Variants in GRID2IP observed in about 807,000 individuals in gnomAD.
GRID2IP encodes the protein delphilin.
GRID2IP carries 78 observed loss-of-function variants against 114.3 expected under a neutral mutation model. The ratio of observed to expected loss-of-function variants is 0.68; its 90% CI spans 0.57 to 0.82. GRID2IP has a LOEUF of 0.82. Among genes scored for constraint, GRID2IP ranks in the 40% least tolerant of loss-of-function variants. GRID2IP has a pLI of 0.00. For synonymous variants in GRID2IP, 809 were observed against 724.0 expected (o/e 1.12, Z -1.89); for missense variants, 1,727 against 1,678.5 (o/e 1.03, Z -0.51).
Position 6,509,923 on chromosome 7 carries a change from G to C in GRID2IP, c.1771+360C>G, listed in dbSNP as rs1345523375. 2.0e-5 allele frequency among the ~76,000 whole-genome samples: 3 copies of C among 152,136 alleles called. No homozygotes were observed. Among genetic ancestry groups the C allele is most frequent in the Non-Finnish European group, 1.5e-5 (1 of 68,016 alleles). ...AGCTCACTGCAGCCTTGAACTCCTG[G>C]GCTCAAGTGATCCTCCCGCCTCAGC... On this transcript the variant is annotated intron_variant, in intron 11 of 21. Coordinates refer to ENST00000457091, the MANE Select transcript of GRID2IP (RefSeq NM_001145118.2). The surrounding 1 kb of genome is among the most constrained non-coding windows in gnomAD (Gnocchi z 4.9).
At chr7:6,539,669 C>T in intron 2 of GRID2IP, 49 bp downstream of exon 2, 1 of 1,492,808 alleles carries the variant, frequency 6.7e-7, no homozygotes, top group African/African-American at 1.4e-5. Flanking sequence ...AATGATGGCT[C>T]TAAGTGAGAC....
At position 6,514,440 on chromosome 7, in the gene GRID2IP, G is replaced by T; in HGVS notation, c.1358C>A (p.Thr453Asn). 6.5e-7 allele frequency: 1 copy of T among 1,550,042 alleles called. No individual in the cohort carries two copies. The highest frequency in any genetic ancestry group is 8.7e-7 in the Non-Finnish European group (1 of 1,146,216). ...VLWQFIYQLL[T>N]YEEQELCQEK... ...CTGACAGAGCTCCTGCTCCTCATAG[G>T]TCAGCAGCTGGTAGATGAACTGCCA... The change falls in exon 8 of 22, where the codon ACC (threonine) becomes AAC (asparagine). Residue 453 changes from threonine (T) to asparagine (N), a missense_variant. Physicochemically the swap from Thr to Asn is moderately conservative, Grantham distance 65. Coordinates refer to ENST00000457091, the MANE Select transcript of GRID2IP (RefSeq NM_001145118.2).
Position 6,498,186 on chromosome 7 carries a change from C to A in GRID2IP, c.3442G>T (p.Gly1148Trp). ...TCCTCCATGGCCTCGCGCTGCAGCC[C>A]GTCGAGCGCCCGAAGTGCTGGCTGG... ...TAQPALRALD[G>W]LQREAMEELG... Residue 1148 changes from glycine (G) to tryptophan (W), a missense_variant, in exon 21 of 22, where the codon GGG becomes TGG. Transcript: ENST00000457091. 6.5e-7 allele frequency: 1 copy of A among 1,550,368 alleles called. No homozygotes were observed.
At position 6,516,467 on chromosome 7, in the gene GRID2IP, A is replaced by T. The variant is rs1779301696; in HGVS notation, c.1269-1938T>A. On this transcript the variant is annotated intron_variant, in intron 7 of 21. Transcript: ENST00000457091. This position sits in a 1 kb window ranked among gnomAD's most constrained non-coding sequence, Gnocchi z 4.3. The stretch of plus-strand genomic sequence containing the variant: ...ACACGGTGAGAAGTGACCAAAAGAC[A>T]AGAGTGTGAGCCCTCCGTTATGCCT... 6.6e-6 allele frequency among the ~76,000 whole-genome samples: 1 copy of T among 152,086 alleles called. No individual in the cohort carries two copies. Among genetic ancestry groups the T allele is most frequent in the Non-Finnish European group, 1.5e-5 (1 of 68,012 alleles).
chr7:6,505,944 C>A (rs1432266254), intron 13 of GRID2IP, 37 bp from the exon 14 acceptor site: 2 of 1,424,124 alleles, frequency 1.4e-6, no homozygotes, highest in South Asian at 2.5e-5. Flanking sequence ...GTAGGAGGAG[C>A]AGCAGCAGCT....
At chr7:6,505,945 A>T in intron 13 of GRID2IP, 38 bp from the exon 14 acceptor site, 1 of 1,423,166 alleles carries the variant, frequency 7.0e-7, no homozygotes, top group African/African-American at 1.4e-5. Flanking sequence ...TAGGAGGAGC[A>T]GCAGCAGCTG....
At position 6,528,799 on chromosome 7, in the gene GRID2IP, C is replaced by T. The variant is rs1042674087; in HGVS notation, c.585-2030G>A. ...AGCTCCGCTCCAGGTCTCGATGGTC[C>T]GGGGGGTAACCAGGAACCAGGATGA... On this transcript the variant is annotated intron_variant, in intron 2 of 21. Transcript: ENST00000457091. The surrounding 1 kb of genome is among the most constrained non-coding windows in gnomAD (Gnocchi z 6.0). Among the ~76,000 whole-genome samples, 15 of 152,084 alleles carry T rather than the reference C, an allele frequency of 9.9e-5. No homozygotes were observed. Among genetic ancestry groups the T allele is most frequent in the African/African-American group, 3.4e-4 (14 of 41,484 alleles).
In GRID2IP at chr7:6,507,096, C is replaced by G. The variant is rs1006434231; in HGVS notation, c.2544+889G>C. Among the ~76,000 whole-genome samples, 1 of 152,168 alleles carries G rather than the reference C, an allele frequency of 6.6e-6. No homozygotes were observed. The highest frequency in any genetic ancestry group is 6.6e-5 in the Admixed American group (1 of 15,266). On this transcript the variant is annotated intron_variant, in intron 13 of 21. Transcript: ENST00000457091. The surrounding 1 kb of genome is among the most constrained non-coding windows in gnomAD (Gnocchi z 5.3). Reference sequence around the variant, plus strand: ...GCAGTGGGGAAAAATCACAAGCATGCCTCTGCCCAGTGTGACTACATGTGA... The same window carrying G: ...GCAGTGGGGAAAAATCACAAGCATGGCTCTGCCCAGTGTGACTACATGTGA...
chr7:6,549,596 G>C (rs12535126), intron 1 of GRID2IP, among the ~76,000 whole-genome samples: 134,097 of 152,140 alleles, frequency 0.88, 59,788 homozygotes, highest in African/African-American at 0.97. Flanking sequence ...AGAACAGGCG[G>C]AATTCTTTTA....
At chr7:6,527,287 AT>A (rs1255796934) in intron 2 of GRID2IP, among the ~76,000 whole-genome samples, 1 of 152,168 alleles carries the variant, frequency 6.6e-6, no homozygotes, top group East Asian at 1.9e-4. Flanking sequence ...CCACTCAGAT[AT>A]CTGGCAGGAA....
chr7:6,503,691 CGGGCG>C lies in GRID2IP; in HGVS notation c.2711-9_2711-5del. The C allele has an allele frequency of 2.7e-6, 3 of 1,122,508 alleles. No individual in the cohort carries two copies. Among genetic ancestry groups the C allele is most frequent in the Non-Finnish European group, 3.5e-6 (3 of 868,650 alleles). The allele number at this position is 1,122,508 out of a possible 1,614,324, so 69.5% of individuals were successfully genotyped here. A position where few individuals can be genotyped will look rare whatever the true frequency, so the allele number is the denominator to read the frequency against. ...TTCAGGTGTGCCAAGAGGATGGCTG[CGGGCG>C]GGGCGGGGCGGTGAGCTGGGCGGGG... is the stretch of plus-strand genomic sequence containing the variant. On this transcript the variant is annotated splice_polypyrimidine_tract_variant and splice_region_variant and intron_variant, in intron 15 of 21. Coordinates refer to ENST00000457091, the MANE Select transcript of GRID2IP (RefSeq NM_001145118.2).
rs1779411116 is a variant in GRID2IP, at chr7:6,521,505, C to T, written c.1008G>A (p.Lys336=). Residue 336 remains lysine, a synonymous_variant, in exon 6 of 22, where the codon AAG becomes AAA. Transcript: ENST00000457091. The surrounding 1 kb of genome is among the most constrained non-coding windows in gnomAD (Gnocchi z 4.1). ...CACTGCCCTGCAGCATGGACACCAC[C>T]TTGTCGTGGGAGCAGTTCCTGCCAA... ...GLDMRNCSHD[K]VVSMLQGSGA... 89 of 1,548,610 alleles carry T rather than the reference C, an allele frequency of 5.7e-5. No homozygotes were observed. The highest frequency in any genetic ancestry group is 7.7e-5 in the Non-Finnish European group (88 of 1,145,464).
At position 6,551,172 on chromosome 7, in the gene GRID2IP, G is replaced by C; in HGVS notation, c.265C>G (p.Pro89Ala). The C allele has an allele frequency of 7.3e-7, 1 of 1,363,352 alleles. No individual in the cohort carries two copies. Among genetic ancestry groups the C allele is most frequent in the Non-Finnish European group, 9.4e-7 (1 of 1,066,524 alleles). 84.5% of individuals were successfully genotyped at this position (1,363,352 alleles called of 1,614,324 possible). A position where few individuals can be genotyped will look rare whatever the true frequency, so the allele number is the denominator to read the frequency against. Residue 89 changes from proline (P) to alanine (A), a missense_variant, in exon 1 of 22, where the codon CCC becomes GCC. Physicochemically the swap from Pro to Ala is conservative, Grantham distance 27 (BLOSUM62 -1). Coordinates refer to ENST00000457091, the MANE Select transcript of GRID2IP (RefSeq NM_001145118.2). ...GCCGCGGGGCCGGATCCTGGGCCGG[G>C]GCCACCGTCGGGAGCCGGGAGCACG... ...LGVLPAPDGGPGPGSGPAAPT... is the reference protein window; with the variant it reads ...LGVLPAPDGGAGPGSGPAAPT...
intron 1 of GRID2IP, among the ~76,000 whole-genome samples, chr7:6,544,898 G>A (rs1361873200): frequency 6.6e-6 from 1 of 151,928 alleles, no homozygotes; most frequent in Non-Finnish European, 1.5e-5. Context: ...CAACTGACAC[G>A]GTGAAACCCC....
chr7:6,504,339 A>C (rs1183899376), intron 15 of GRID2IP, among the ~76,000 whole-genome samples: 2 of 131,308 alleles, frequency 1.5e-5, no homozygotes, highest in African/African-American at 6.0e-5. Flanking sequence ...GGCTACAGGG[A>C]GGAGACCGAA....
In GRID2IP at chr7:6,551,022, C is replaced by A; in HGVS notation, c.415G>T (p.Glu139Ter). 1 of 1,229,242 alleles carries A rather than the reference C, an allele frequency of 8.1e-7. No homozygotes were observed. 76.1% of individuals were successfully genotyped at this position (1,229,242 alleles called of 1,614,324 possible). ...CCGCGCCTTACCTTGCGGCTGAACTCTTGGGCCTTGCGCCTGCGCTCTCGG... is the reference window on the plus strand; with the variant it reads ...CCGCGCCTTACCTTGCGGCTGAACTATTGGGCCTTGCGCCTGCGCTCTCGG... ...VHRERRRKAQ[E>*]FSRKVDEILG... is the part of the protein sequence containing the mutation. The change falls in exon 1 of 22, where the codon GAG (glutamate) becomes TAG (stop). Residue 139 changes from glutamate to a stop codon, truncating the protein, a stop_gained. Coordinates refer to ENST00000457091, the MANE Select transcript of GRID2IP (RefSeq NM_001145118.2). LOFTEE classifies it high-confidence loss of function.
Position 6,498,047 on chromosome 7 carries a change from G to C in GRID2IP, c.3564+17C>G. On this transcript the variant is annotated intron_variant, in intron 21 of 21. Coordinates refer to ENST00000457091, the MANE Select transcript of GRID2IP (RefSeq NM_001145118.2). ...CACCTCTCCAAAAGGGCCCCTCAGG[G>C]CTCCAGCGAGGCTCACCTCGAATTT... is the stretch of plus-strand genomic sequence containing the variant. 3 of 1,534,384 alleles carry C rather than the reference G, an allele frequency of 2.0e-6. No individual in the cohort carries two copies. In the Admixed American group the frequency reaches 6.3e-5, roughly 32 times the overall value.
At chr7:6,518,179 G>C (rs1384833970) in intron 7 of GRID2IP, among the ~76,000 whole-genome samples, 1 of 151,976 alleles carries the variant, frequency 6.6e-6, no homozygotes, top group East Asian at 1.9e-4. Flanking sequence ...GCAGTGAGCT[G>C]TGTTTGCACC....
intron 7 of GRID2IP, among the ~76,000 whole-genome samples, chr7:6,515,534 T>C (rs754449938): frequency 2.7e-5 from 4 of 149,876 alleles, no homozygotes; most frequent in Non-Finnish European, 4.4e-5. Context: ...TCCCAGCACT[T>C]TGGGAGGCTG....
Sources: allele counts gnomAD v4.1 joint callset (sites outside exome capture counted in the v4.1 genomes callset), GRCh38; gene constraint gnomAD v4.1.1; non-coding constraint Gnocchi (gnomAD v3.1); transcripts MANE v1.5; gene names NCBI Gene and HGNC (gene_info 2026-07-23, HGNC 2026-07-21).